The following ZNRF3 variants were observed in gnomAD, a reference collection of about 807,000 sequenced individuals.
ZNRF3 encodes zinc and ring finger 3.
A neutral mutation model predicts 72.5 loss-of-function variants in ZNRF3; 23 were observed. The ratio of observed to expected loss-of-function variants is 0.32; its 90% CI spans 0.23 to 0.45. ZNRF3 has a LOEUF of 0.45. Among genes scored for constraint, ZNRF3 ranks in the 20% least tolerant of loss-of-function variants. The pLI, the probability that ZNRF3 is intolerant of heterozygous loss-of-function variation, is 1.00. For synonymous variants in ZNRF3, 610 were observed against 545.3 expected (o/e 1.12, Z -1.65); for missense variants, 1,169 against 1,272.1 (o/e 0.92, Z 1.23).
intron 1 of ZNRF3, among the ~76,000 whole-genome samples, chr22:28,967,173 C>G (rs1360427688): frequency 6.6e-6 from 1 of 152,220 alleles, no homozygotes; most frequent in Non-Finnish European, 1.5e-5. Context: ...TGAGCCACTG[C>G]ACCCAGCCTA....
At chr22:28,997,147 A>G (rs941055278) in intron 2 of ZNRF3, among the ~76,000 whole-genome samples, 12 of 152,182 alleles carry the variant, frequency 7.9e-5, no homozygotes, top group African/African-American at 2.9e-4. Context: ...GCTGTTCCAC[A>G]TCATAGGTCT....
intron 1 of ZNRF3, among the ~76,000 whole-genome samples, chr22:28,974,848 G>T (rs185870446): frequency 6.6e-6 from 1 of 152,152 alleles, no homozygotes; most frequent in Admixed American, 6.5e-5. Flanking sequence ...TGTTGCCCAG[G>T]TTAGTCCCAA....
At chr22:29,035,732 C>T (rs77143126) in intron 2 of ZNRF3, among the ~76,000 whole-genome samples, 10,451 of 152,190 alleles carry the variant, frequency 0.069, 852 homozygotes, top group African/African-American at 0.2. Context: ...CACGCTGCCA[C>T]GCCCAGCTAA....
intron 1 of ZNRF3, among the ~76,000 whole-genome samples, chr22:28,926,847 C>T (rs1464306933): frequency 3.3e-5 from 5 of 150,240 alleles, no homozygotes; most frequent in Non-Finnish European, 7.4e-5. Context: ...AGTGGCTGGG[C>T]GCGGTAGCTC....
chr22:28,891,530 C>T (rs1399635773), intron 1 of ZNRF3, among the ~76,000 whole-genome samples: 1 of 152,228 alleles, frequency 6.6e-6, no homozygotes, highest in South Asian at 2.1e-4. Flanking sequence ...GTGCTTTGCT[C>T]ACATTTAACA....
intron 1 of ZNRF3, among the ~76,000 whole-genome samples, chr22:28,951,344 C>G (rs1296329920): frequency 6.6e-6 from 1 of 152,036 alleles, no homozygotes. Context: ...TCAGGGTGGG[C>G]CCTAATCCAA....
intron 2 of ZNRF3, among the ~76,000 whole-genome samples, chr22:29,022,901 A>G (rs565981990): frequency 6.6e-6 from 1 of 152,320 alleles, no homozygotes; most frequent in South Asian, 2.1e-4. Context: ...GGGTACAAGT[A>G]TAATTTGGTT....
At chr22:29,042,087 C>CAAGGTA (rs2036973285) in intron 2 of ZNRF3, among the ~76,000 whole-genome samples, 1 of 152,036 alleles carries the variant, frequency 6.6e-6, no homozygotes, top group African/African-American at 2.4e-5. Flanking sequence ...CTCATGATTA[C>CAAGGTA]CATACAAGGT....
At chr22:29,053,501 GGGCCACCTGAGTCCCT>G in intron 8 of ZNRF3, 62 bp from the exon 9 acceptor site, 1 of 1,451,044 alleles carries the variant, frequency 6.9e-7, no homozygotes, top group South Asian at 1.2e-5. Context: ...GCTGGGGACA[GGGCCACCTGAGTCCCT>G]TGCCTGGTCC....
At chr22:28,936,663 A>T (rs1379383723) in intron 1 of ZNRF3, among the ~76,000 whole-genome samples, 1 of 152,144 alleles carries the variant, frequency 6.6e-6, no homozygotes, top group Non-Finnish European at 1.5e-5. Context: ...TGGTTTTTTC[A>T]TCCACAGAGT....
At chr22:28,930,078 A>G (rs114703570) in intron 1 of ZNRF3, among the ~76,000 whole-genome samples, 3,296 of 152,308 alleles carry the variant, frequency 0.022, 82 homozygotes, top group African/African-American at 0.051. Context: ...TTGTAAAGCT[A>G]TCAGGAACTA....
chr22:28,890,756 C>T (rs967402113), intron 1 of ZNRF3, among the ~76,000 whole-genome samples: 2 of 148,364 alleles, frequency 1.3e-5, no homozygotes, highest in Non-Finnish European at 3.0e-5. Context: ...CTTGCTTTCT[C>T]TCTCTCTCTC....
Position 29,049,147 on chromosome 22 carries a change from A to G in ZNRF3, c.1016-50A>G. The G allele has an allele frequency of 3.9e-6, 6 of 1,519,478 alleles. No individual in the cohort carries two copies. The highest frequency in any genetic ancestry group is 5.3e-6 in the Non-Finnish European group (6 of 1,130,576). 94.1% of individuals were successfully genotyped at this position (1,519,478 alleles called of 1,614,324 possible). On this transcript the variant is annotated intron_variant, in intron 7 of 8. Transcript: ENST00000544604. This position sits in a 1 kb window ranked among gnomAD's most constrained non-coding sequence, Gnocchi z 5.2. ...GTTTTAAAAATCCCTTTAGCCTCTG[A>G]CACCAGTATGCTCAGCCCTGCCTAC...
Position 29,056,493 on chromosome 22 carries a change from C to T in ZNRF3, c.*2871C>T, listed in dbSNP as rs979665444. 3 of 152,194 alleles carry T rather than the reference C, an allele frequency of 2.0e-5. No individual in the cohort carries two copies. Among genetic ancestry groups the T allele is most frequent in the African/African-American group, 7.2e-5 (3 of 41,454 alleles). 9.4% of individuals were successfully genotyped at this position (152,194 alleles called of 1,614,324 possible). A position where few individuals can be genotyped will look rare whatever the true frequency, so the allele number is the denominator to read the frequency against. On this transcript the variant is annotated 3_prime_UTR_variant, in exon 9 of 9. Coordinates refer to ENST00000544604, the MANE Select transcript of ZNRF3 (RefSeq NM_001206998.2). ...TAACCGATGGTCTTATTTTGTCACA[C>T]GTAAATCAAAAGAAATGTCCTCTTT... is the stretch of plus-strand genomic sequence containing the variant.
chr22:29,017,163 A>G lies in ZNRF3; in HGVS notation c.427-25332A>G, dbSNP rs2036452307. On this transcript the variant is annotated intron_variant, in intron 2 of 8. Transcript: ENST00000544604. ...TACACTTGTGCAGTATTTTAAGTGT[A>G]ACTTGGTTGCCAACACTTGAATTGG... Among the ~76,000 whole-genome samples, 3 of 152,328 alleles carry G rather than the reference A, an allele frequency of 2.0e-5. No individual in the cohort carries two copies. The South Asian group carries it at 6.2e-4, about 32-fold the overall frequency.
At chr22:28,903,112 C>G (rs62235757) in intron 1 of ZNRF3, among the ~76,000 whole-genome samples, 24 of 152,160 alleles carry the variant, frequency 1.6e-4, no homozygotes, top group Admixed American at 1.5e-3. Flanking sequence ...CTCATTTCTC[C>G]GATTCCCAGT....
intron 2 of ZNRF3, among the ~76,000 whole-genome samples, chr22:28,988,573 G>A (rs1438727571): frequency 2.0e-5 from 3 of 152,174 alleles, no homozygotes; most frequent in Non-Finnish European, 4.4e-5. Flanking sequence ...TCACAAAGTT[G>A]AATCGAGGTG....
At chr22:28,963,759 C>T (rs2035408530) in intron 1 of ZNRF3, among the ~76,000 whole-genome samples, 2 of 152,098 alleles carry the variant, frequency 1.3e-5, no homozygotes, top group Non-Finnish European at 2.9e-5. Flanking sequence ...GCTACCTATG[C>T]CTGATTACAT....
chr22:28,913,968 G>A (rs551280492), intron 1 of ZNRF3, among the ~76,000 whole-genome samples: 1 of 152,236 alleles, frequency 6.6e-6, no homozygotes, highest in Non-Finnish European at 1.5e-5. Context: ...GCCTCTGTGT[G>A]TAATGTACTA....
Sources: allele counts gnomAD v4.1 joint callset (sites outside exome capture counted in the v4.1 genomes callset), GRCh38; gene constraint gnomAD v4.1.1; non-coding constraint Gnocchi (gnomAD v3.1); transcripts MANE v1.5; gene names NCBI Gene and HGNC (gene_info 2026-07-23, HGNC 2026-07-21).